FYN: variants seen among roughly 807,000 people sequenced by gnomAD.
FYN encodes tyrosine-protein kinase Fyn.
Under a neutral mutation model 70.2 loss-of-function variants are expected in FYN, and 10 were observed. That is an observed-to-expected ratio of 0.14 (90% CI 0.09 to 0.24). FYN has a LOEUF of 0.24. Ranked by LOEUF, FYN falls within the 10% of genes least tolerant of loss-of-function variation. The pLI is 1.00. For synonymous variants in FYN, 236 were observed against 248.6 expected (o/e 0.95, Z 0.48); for missense variants, 319 against 673.1 (o/e 0.47, Z 5.82).
intron 6 of FYN, among the ~76,000 whole-genome samples, chr6:111,706,952 A>G (rs971085849): frequency 1.3e-5 from 2 of 152,266 alleles, no homozygotes; most frequent in Non-Finnish European, 2.9e-5. Flanking sequence ...GAAACAAAAC[A>G]GATCCTCTTA....
At chr6:111,712,000 C>T (rs1189003173) in intron 5 of FYN, among the ~76,000 whole-genome samples, 4 of 152,112 alleles carry the variant, frequency 2.6e-5, no homozygotes, top group Admixed American at 1.3e-4. Flanking sequence ...CAAAGGACTC[C>T]GTAAACATCA....
At chr6:111,715,076 C>G (rs895099330) in intron 4 of FYN, among the ~76,000 whole-genome samples, 1 of 152,136 alleles carries the variant, frequency 6.6e-6, no homozygotes, top group Non-Finnish European at 1.5e-5. Flanking sequence ...CTTGAACTCA[C>G]CTCTCCTCAC....
chr6:111,845,407 T>G (rs1773497285), intron 2 of FYN, among the ~76,000 whole-genome samples: 1 of 152,228 alleles, frequency 6.6e-6, no homozygotes, highest in South Asian at 2.1e-4. Flanking sequence ...AGAGCTGTGT[T>G]ATTTCCCCAA....
At chr6:111,691,856 G>A (rs2128431113) in intron 12 of FYN, among the ~76,000 whole-genome samples, 1 of 152,324 alleles carries the variant, frequency 6.6e-6, no homozygotes, top group Admixed American at 6.5e-5. Context: ...ATGCAACAGG[G>A]TCAGCCATTT....
intron 3 of FYN, among the ~76,000 whole-genome samples, chr6:111,756,676 G>A (rs1284804115): frequency 6.6e-6 from 1 of 152,084 alleles, no homozygotes; most frequent in African/African-American, 2.4e-5. Flanking sequence ...AAAAATGGAT[G>A]ACAATAATTC....
At chr6:111,821,170 T>C (rs969656449) in intron 2 of FYN, among the ~76,000 whole-genome samples, 1 of 151,936 alleles carries the variant, frequency 6.6e-6, no homozygotes, top group Non-Finnish European at 1.5e-5. Context: ...GAGCCCGCAT[T>C]GCCAAGTCAA....
At chr6:111,773,420 C>T (rs1444331663) in intron 3 of FYN, among the ~76,000 whole-genome samples, 1 of 7,598 alleles carries the variant, frequency 1.3e-4, no homozygotes, top group African/African-American at 7.5e-4. Context: ...GTAGAGTGAG[C>T]GGGAGAGGGA....
chr6:111,758,368 C>T (rs929902685), intron 3 of FYN, among the ~76,000 whole-genome samples: 1 of 152,160 alleles, frequency 6.6e-6, no homozygotes, highest in Non-Finnish European at 1.5e-5. Flanking sequence ...ATGTGCGTGA[C>T]TATCTCTGTG....
intron 3 of FYN, among the ~76,000 whole-genome samples, chr6:111,734,806 T>C (rs887099751): frequency 1.3e-5 from 2 of 152,270 alleles, no homozygotes; most frequent in African/African-American, 4.8e-5. Flanking sequence ...TACCCTTTTA[T>C]TTATATTCAG....
intron 1 of FYN, among the ~76,000 whole-genome samples, chr6:111,855,792 A>C (rs964544044): frequency 3.3e-5 from 5 of 152,228 alleles, no homozygotes; most frequent in African/African-American, 1.2e-4. Context: ...TCAGCTTTTG[A>C]AGCCTGTAGC....
chr6:111,767,129 A>T (rs577996333), intron 3 of FYN, among the ~76,000 whole-genome samples: 1 of 152,354 alleles, frequency 6.6e-6, no homozygotes, highest in Non-Finnish European at 1.5e-5. Context: ...TATCCAGGAA[A>T]ATACAATGCT....
Position 111,836,447 on chromosome 6 carries a change from C to CCAACAA in FYN, c.-82+10136_-82+10141dup, listed in dbSNP as rs60069708. On this transcript the variant is annotated intron_variant, in intron 2 of 13. Transcript: ENST00000354650. ...AAAGAAAAATTTTTAAATTATATTT[C>CCAACAA]CAACAACAACAACAACAACAACAAA... 2.5e-4 allele frequency among the ~76,000 whole-genome samples: 38 copies of CCAACAA among 151,834 alleles called. No individual in the cohort carries two copies. The East Asian group carries it at 5.0e-3, about 20-fold the overall frequency.
intron 2 of FYN, 148 bp from the exon 3 acceptor site, chr6:111,780,783 G>C (rs550391972): frequency 6.6e-6 from 1 of 152,286 alleles, no homozygotes; most frequent in Admixed American, 6.5e-5. Context: ...AGTTTCCTCT[G>C]TTTTTCCCAG....
At chr6:111,699,234 C>T (rs1198338977) in intron 9 of FYN, among the ~76,000 whole-genome samples, 1 of 152,128 alleles carries the variant, frequency 6.6e-6, no homozygotes, top group Non-Finnish European at 1.5e-5. Context: ...TTATGGCTGC[C>T]CATATACAGT....
chr6:111,666,333 C>T (rs1034694039), intron 13 of FYN, among the ~76,000 whole-genome samples: 7 of 152,132 alleles, frequency 4.6e-5, no homozygotes, highest in African/African-American at 1.7e-4. Flanking sequence ...GGAAGAGCCA[C>T]GTTCGAGCAG....
In FYN at chr6:111,873,443, C is replaced by CT. The variant is rs1006247110; in HGVS notation, c.-599dup. ...GCGCGGCTGCTCGCTGCTACTCTTG[C>CT]TGATGCTCTGCCCCTCCAGCTCCGG... is the stretch of plus-strand genomic sequence containing the variant. On this transcript the variant is annotated 5_prime_UTR_variant, in exon 1 of 14. Transcript: ENST00000354650. 13 of 152,112 alleles carry CT rather than the reference C, an allele frequency of 8.5e-5. No homozygotes were observed. The highest frequency in any genetic ancestry group is 2.1e-4 in the South Asian group (1 of 4,820). 9.4% of individuals were successfully genotyped at this position (152,112 alleles called of 1,614,324 possible).
At chr6:111,673,623 T>TTTTTTTTTTG (rs1491273147) in intron 13 of FYN, among the ~76,000 whole-genome samples, 1 of 45,852 alleles carries the variant, frequency 2.2e-5, no homozygotes, top group South Asian at 5.1e-4. Flanking sequence ...TCTATCATTG[T>TTTTTTTTTTG]TTTTTTTTTT....
At chr6:111,769,379 C>T (rs1803351590) in intron 3 of FYN, among the ~76,000 whole-genome samples, 1 of 152,170 alleles carries the variant, frequency 6.6e-6, no homozygotes, top group African/African-American at 2.4e-5. Flanking sequence ...CAACAAACTC[C>T]AGGAGTCTGT....
At chr6:111,774,540 T>C (rs567518297) in intron 3 of FYN, among the ~76,000 whole-genome samples, 3 of 152,148 alleles carry the variant, frequency 2.0e-5, no homozygotes, top group African/African-American at 7.2e-5. Context: ...CTCCCAGTCT[T>C]TGTGAGGACA....
Sources: gnomAD v4.1 joint callset for allele counts (sites outside exome capture counted in the v4.1 genomes callset) on GRCh38, gnomAD v4.1.1 for gene constraint, MANE v1.5 for transcripts, NCBI Gene and HGNC (gene_info 2026-07-23, HGNC 2026-07-21) for gene names.